PACRG: variants seen among roughly 807,000 people sequenced by gnomAD.
The protein encoded by PACRG is parkin coregulated.
Under a neutral mutation model 29.7 loss-of-function variants are expected in PACRG, and 29 were observed. That is an observed-to-expected ratio of 0.98 (90% CI 0.73 to 1.33). The LOEUF (loss-of-function observed/expected upper bound fraction) is 1.33, where lower values mean the gene tolerates loss of function less well. Ranked by LOEUF, PACRG falls within the 40% of genes most tolerant of loss-of-function variation. The pLI, the probability that PACRG is intolerant of heterozygous loss-of-function variation, is 0.00. For missense variants in PACRG, 279 were observed against 316.2 expected (o/e 0.88, Z 0.89); for synonymous variants, 116 against 118.7 (o/e 0.98, Z 0.15).
chr6:162,814,060 A>C, intron 1 of PACRG, 87 bp from the exon 2 acceptor site: 1 of 1,374,032 alleles, frequency 7.3e-7, no homozygotes, highest in Admixed American at 2.4e-5. Flanking sequence ...ATACAAACTG[A>C]AATCTTTAAA....
In PACRG at chr6:163,205,953, G is replaced by GA. The variant is rs1214990565; in HGVS notation, c.614-108868dup. On this transcript the variant is annotated intron_variant, in intron 4 of 4. Transcript: ENST00000366888. ...AGACACAAATGACCAACAAGCATGTGAAAAAATGCTTCACATCACTGATCA... is the reference window on the plus strand; with the variant it reads ...AGACACAAATGACCAACAAGCATGTGAAAAAAATGCTTCACATCACTGATCA... Among the ~76,000 whole-genome samples, 4 of 152,070 alleles carry GA rather than the reference G, an allele frequency of 2.6e-5. No individual in the cohort carries two copies. The South Asian group carries it at 6.2e-4, about 24-fold the overall frequency.
chr6:163,314,029 T>C (rs1353261312), intron 4 of PACRG, among the ~76,000 whole-genome samples: 1 of 152,190 alleles, frequency 6.6e-6, no homozygotes, highest in Non-Finnish European at 1.5e-5. Flanking sequence ...ATTGAGTCTG[T>C]GGTGTAGAGG....
At chr6:163,270,255 G>A (rs968570988) in intron 4 of PACRG, among the ~76,000 whole-genome samples, 2 of 152,260 alleles carry the variant, frequency 1.3e-5, no homozygotes, top group Admixed American at 1.3e-4. Context: ...AGGTCGGCAG[G>A]CTAACCCCCT....
chr6:162,896,791 A>ATT (rs1480516693), intron 2 of PACRG, among the ~76,000 whole-genome samples: 1 of 152,242 alleles, frequency 6.6e-6, no homozygotes. Flanking sequence ...AGGTCTTAGT[A>ATT]TATTTGATTA....
intron 1 of PACRG, among the ~76,000 whole-genome samples, chr6:162,793,832 A>G (rs1206200273): frequency 6.6e-6 from 1 of 152,148 alleles, no homozygotes; most frequent in African/African-American, 2.4e-5. Flanking sequence ...CACACTCTTA[A>G]CAATTCTTGT....
At chr6:162,762,863 G>T (rs914411199) in intron 1 of PACRG, among the ~76,000 whole-genome samples, 5 of 152,168 alleles carry the variant, frequency 3.3e-5, no homozygotes, top group Non-Finnish European at 7.4e-5. Flanking sequence ...TTTGATTTAT[G>T]TTCAGATGTT....
At chr6:163,141,705 T>G (rs1183007063) in intron 4 of PACRG, among the ~76,000 whole-genome samples, 1 of 151,808 alleles carries the variant, frequency 6.6e-6, no homozygotes, top group African/African-American at 2.4e-5. Flanking sequence ...AGGGGCATCG[T>G]AGGATAAGAA....
intron 2 of PACRG, among the ~76,000 whole-genome samples, chr6:162,879,677 C>A (rs1462618821): frequency 6.6e-6 from 1 of 152,210 alleles, no homozygotes; most frequent in Non-Finnish European, 1.5e-5. Context: ...TTATTGAACA[C>A]CTGCTGTGGG....
chr6:162,781,003 G>A (rs1221718684), intron 1 of PACRG, among the ~76,000 whole-genome samples: 1 of 151,924 alleles, frequency 6.6e-6, no homozygotes, highest in Non-Finnish European at 1.5e-5. Flanking sequence ...AATGTCCAAA[G>A]TTGGTAAAAA....
intron 4 of PACRG, among the ~76,000 whole-genome samples, chr6:163,297,151 A>C (rs921511417): frequency 6.6e-6 from 1 of 152,194 alleles, no homozygotes; most frequent in African/African-American, 2.4e-5. Context: ...TCTTTAGTTA[A>C]ATTGAAATAA....
intron 4 of PACRG, among the ~76,000 whole-genome samples, chr6:163,121,974 C>G (rs1408004): frequency 1.3e-5 from 2 of 151,718 alleles, no homozygotes; most frequent in Non-Finnish European, 2.9e-5. Context: ...TGATCTTTTT[C>G]TCTTTCTCTT....
chr6:163,221,983 C>G (rs1332108785), intron 4 of PACRG, among the ~76,000 whole-genome samples: 2 of 152,198 alleles, frequency 1.3e-5, no homozygotes, highest in African/African-American at 2.4e-5. Flanking sequence ...AGGCTGCACC[C>G]TGATCACCTG....
intron 4 of PACRG, among the ~76,000 whole-genome samples, chr6:163,229,842 G>T (rs1252556843): frequency 6.6e-6 from 1 of 152,204 alleles, no homozygotes; most frequent in African/African-American, 2.4e-5. Context: ...TCAGCAAGAT[G>T]CCCAGAACTG....
chr6:163,278,346 C>T lies in PACRG; in HGVS notation c.614-36481C>T, dbSNP rs578065414. 2.1e-4 allele frequency among the ~76,000 whole-genome samples: 32 copies of T among 152,070 alleles called. 1 individual carries two copies. The highest frequency in any genetic ancestry group is 3.2e-4 in the Non-Finnish European group (22 of 68,020). ...GAAGCTTTTTAGTTTAATTAAGTCCCATCTATTTATTTTTGTTTTTGTTGA... is the reference window on the plus strand; with the variant it reads ...GAAGCTTTTTAGTTTAATTAAGTCCTATCTATTTATTTTTGTTTTTGTTGA... On this transcript the variant is annotated intron_variant, in intron 4 of 4. Coordinates refer to ENST00000366888, the MANE Select transcript of PACRG (RefSeq NM_001080379.2).
At position 162,914,302 on chromosome 6, in the gene PACRG, A is replaced by G. The variant is rs1047095623; in HGVS notation, c.291+100021A>G. On this transcript the variant is annotated intron_variant, in intron 2 of 4. Transcript: ENST00000366888. The stretch of plus-strand genomic sequence containing the variant: ...AAGTTGATTCAGTATCATTTGTTAG[A>G]AAGATTATTCTTTCCCCATCAATTG... Among the ~76,000 whole-genome samples, 4 of 151,996 alleles carry G rather than the reference A, an allele frequency of 2.6e-5. No individual in the cohort carries two copies. The South Asian group carries it at 6.2e-4, about 24-fold the overall frequency.
intron 2 of PACRG, among the ~76,000 whole-genome samples, chr6:162,854,562 T>C (rs1378705393): frequency 2.0e-5 from 3 of 152,170 alleles, no homozygotes; most frequent in Non-Finnish European, 2.9e-5. Context: ...TGAGACTGAC[T>C]TTATTTCTCT....
chr6:162,895,008 A>G (rs1562708654), intron 2 of PACRG, among the ~76,000 whole-genome samples: 1 of 152,152 alleles, frequency 6.6e-6, no homozygotes, highest in Non-Finnish European at 1.5e-5. Context: ...TAAATAAGCT[A>G]CCCCATCAAA....
intron 4 of PACRG, among the ~76,000 whole-genome samples, chr6:163,217,418 C>T (rs528609655): frequency 1.2e-4 from 18 of 152,346 alleles, no homozygotes; most frequent in East Asian, 5.8e-4. Context: ...CCCACGTCCA[C>T]GCAGTCTGCT....
chr6:163,232,196 A>G (rs1395714874), intron 4 of PACRG, among the ~76,000 whole-genome samples: 1 of 152,142 alleles, frequency 6.6e-6, no homozygotes, highest in Non-Finnish European at 1.5e-5. Context: ...CATTCCAGGA[A>G]TATTTATGAT....
Sources: gnomAD v4.1 joint callset for allele counts (sites outside exome capture counted in the v4.1 genomes callset) on GRCh38, gnomAD v4.1.1 for gene constraint, MANE v1.5 for transcripts, NCBI Gene and HGNC (gene_info 2026-07-23, HGNC 2026-07-21) for gene names.